Variants in ALDOB observed in about 807,000 individuals in gnomAD.
ALDOB encodes the protein fructose-bisphosphate aldolase B.
A neutral mutation model predicts 41.0 loss-of-function variants in ALDOB; 39 were observed. The ratio of observed to expected loss-of-function variants is 0.95; its 90% CI spans 0.74 to 1.24. The LOEUF is 1.24. Among genes scored for constraint, ALDOB ranks in the 50% most tolerant of loss-of-function variants. ALDOB has a pLI of 0.00. For missense variants in ALDOB, 530 were observed against 457.3 expected, an observed-to-expected ratio of 1.16 and a Z score of -1.45; for synonymous variants, 175 against 168.8, an observed-to-expected ratio of 1.04 and a Z score of -0.28.
chr9:101,424,973 C>A lies in ALDOB; in HGVS notation c.869G>T (p.Cys290Phe), dbSNP rs1405680272. 1 of 1,614,194 alleles carries A rather than the reference C, an allele frequency of 6.2e-7. No homozygotes were observed. The highest frequency in any genetic ancestry group is 8.5e-7 in the Non-Finnish European group (1 of 1,180,042). The change falls in exon 8 of 9, where the codon TGC becomes TTC. Residue 290 changes from cysteine to phenylalanine, a missense_variant. Transcript: ENST00000647789. ...TAGTTTCCAGGGCTTTGGTAGAGGG[C>A]AAAGGTTGATAGCATTGAGGTTGAG... is the stretch of plus-strand genomic sequence containing the variant. ...ATLNLNAINL[C>F]PLPKPWKLSF...
At chr9:101,432,596 G>C (rs1206495600) in intron 1 of ALDOB, among the ~76,000 whole-genome samples, 3 of 152,154 alleles carry the variant, frequency 2.0e-5, no homozygotes, top group Non-Finnish European at 4.4e-5. Context: ...AACAACAAGT[G>C]ATCATGTATT....
Position 101,430,879 on chromosome 9 carries a change from G to T in ALDOB, c.9C>A (p.His3Gln), listed in dbSNP as rs1345378132. MA[H>Q]RFPALTQEQK... is the part of the protein sequence containing the mutation. The stretch of plus-strand genomic sequence containing the variant: ...GCTCCTGGGTGAGGGCTGGAAATCG[G>T]TGGGCCATGGTGACAGGTCTGGAAA... The change falls in exon 2 of 9, where the codon CAC becomes CAA. Residue 3 changes from histidine (H) to glutamine (Q), a missense_variant. His to Gln is a conservative substitution (Grantham distance 24, BLOSUM62 0). Coordinates refer to ENST00000647789, the MANE Select transcript of ALDOB (RefSeq NM_000035.4). 6.2e-7 allele frequency: 1 copy of T among 1,613,384 alleles called. No homozygotes were observed. Among genetic ancestry groups the T allele is most frequent in the Admixed American group, 1.7e-5 (1 of 60,008 alleles).
intron 1 of ALDOB, among the ~76,000 whole-genome samples, chr9:101,432,370 A>G (rs964960004): frequency 2.6e-5 from 4 of 152,300 alleles, no homozygotes; most frequent in Middle Eastern, 3.4e-3. Context: ...TGCCCTGTTT[A>G]TATATTAGCT....
At chr9:101,424,692 A>C in intron 8 of ALDOB, 151 bp downstream of exon 8, 1 of 890,664 alleles carries the variant, frequency 1.1e-6, no homozygotes, top group East Asian at 2.6e-5. Context: ...CTCAATCCTC[A>C]TACTGACCTC....
At chr9:101,434,979 G>A (rs1445242433) in intron 1 of ALDOB, among the ~76,000 whole-genome samples, 2 of 152,184 alleles carry the variant, frequency 1.3e-5, no homozygotes, top group East Asian at 3.8e-4. Flanking sequence ...TTCTCACAAT[G>A]CCTATTTTTC....
chr9:101,427,461 C>T (rs1831147487), intron 5 of ALDOB, 21 bp downstream of exon 5: 3 of 1,614,016 alleles, frequency 1.9e-6, no homozygotes, highest in South Asian at 1.1e-5. Flanking sequence ...TCTTTTTCAG[C>T]CCAAGGGGAA....
chr9:101,424,009 T>G (rs2118339685), intron 8 of ALDOB, among the ~76,000 whole-genome samples: 1 of 152,374 alleles, frequency 6.6e-6, no homozygotes, highest in East Asian at 1.9e-4. Flanking sequence ...TCCTTTCCTC[T>G]TTATTGAAAC....
intron 1 of ALDOB, 42 bp downstream of exon 1, chr9:101,435,667 A>G (rs1288255979): frequency 6.6e-6 from 1 of 152,096 alleles, no homozygotes; most frequent in Non-Finnish European, 1.5e-5. Context: ...CCCCTTATTC[A>G]CTGGTGCTGT....
At position 101,422,781 on chromosome 9, in the gene ALDOB, A is replaced by T. The variant is rs187045630; in HGVS notation, c.1000-877T>A. 3.5e-3 allele frequency among the ~76,000 whole-genome samples: 530 copies of T among 152,362 alleles called. 2 individuals carry two copies. The highest frequency in any genetic ancestry group is 0.017 in the Middle Eastern group (5 of 294). Reference sequence around the variant, plus strand: ...GAAGATTTGGAATGTTCCAAACCCAAAGAAATAATAAATATTTGGAGTGAA... The same window carrying T: ...GAAGATTTGGAATGTTCCAAACCCATAGAAATAATAAATATTTGGAGTGAA... On this transcript the variant is annotated intron_variant, in intron 8 of 8. Transcript: ENST00000647789.
intron 1 of ALDOB, among the ~76,000 whole-genome samples, chr9:101,434,090 T>C (rs1467448879): frequency 6.6e-6 from 1 of 152,210 alleles, no homozygotes; most frequent in Non-Finnish European, 1.5e-5. Context: ...TTTTATACAT[T>C]CTTTATCACG....
Position 101,425,592 on chromosome 9 carries a change from A to T in ALDOB, c.660T>A (p.His220Gln). The change falls in exon 7 of 9, where the codon CAT becomes CAA. Residue 220 changes from histidine (H) to glutamine (Q), a missense_variant. His to Gln is a conservative substitution (Grantham distance 24, BLOSUM62 0). Transcript: ENST00000647789. ...LAAVYKALND[H>Q]HVYLEGTLLK... is the part of the protein sequence containing the mutation. ...GCAGGGTGCCCTCCAGGTAAACATG[A>T]TGGTCATTCAGGGCCTTGTAGACAG... 1 of 1,614,192 alleles carries T rather than the reference A, an allele frequency of 6.2e-7. No homozygotes were observed. Among genetic ancestry groups the T allele is most frequent in the African/African-American group, 1.3e-5 (1 of 75,048 alleles).
intron 8 of ALDOB, among the ~76,000 whole-genome samples, chr9:101,422,237 T>C (rs1831058996): frequency 1.3e-5 from 2 of 152,170 alleles, no homozygotes; most frequent in Admixed American, 1.3e-4. Context: ...AAGAAAAACA[T>C]GTTTATTTTA....
At chr9:101,425,089 C>T in intron 7 of ALDOB, 47 bp from the exon 8 acceptor site, 1 of 1,597,014 alleles carries the variant, frequency 6.3e-7, no homozygotes, top group Non-Finnish European at 8.6e-7. Flanking sequence ...ACCTTATATA[C>T]CCTGCTTGAG....
In ALDOB at chr9:101,430,830, C is replaced by A. The variant is rs575202673; in HGVS notation, c.58G>T (p.Ala20Ser). The change falls in exon 2 of 9, where the codon GCC becomes TCC. Residue 20 changes from alanine to serine, a missense_variant. Coordinates refer to ENST00000647789, the MANE Select transcript of ALDOB (RefSeq NM_000035.4). ...QEQKKELSEI[A>S]QSIVANGKGI... The stretch of plus-strand genomic sequence containing the variant: ...TTTCCATTGGCAACAATGCTCTGGG[C>A]AATTTCTGAGAGCTCCTTCTTCTGC... 9.3e-6 allele frequency: 15 copies of A among 1,614,188 alleles called. No individual in the cohort carries two copies. The South Asian group carries it at 1.1e-4, about 12-fold the overall frequency.
At chr9:101,426,505 A>G (rs1831130882) in intron 6 of ALDOB, 50 bp downstream of exon 6, 1 of 1,230,902 alleles carries the variant, frequency 8.1e-7, no homozygotes, top group Non-Finnish European at 1.2e-6. Flanking sequence ...GCTGTTACCT[A>G]AAACTAAGAT....
In ALDOB at chr9:101,428,449, T is replaced by G; in HGVS notation, c.379+20A>C. 6.2e-7 allele frequency: 1 copy of G among 1,607,788 alleles called. No homozygotes were observed. The highest frequency in any genetic ancestry group is 8.5e-7 in the Non-Finnish European group (1 of 1,174,170). ...CTAGCTTACACTGGCATGATTCATCTCAGTGGGCAATATCCTTACCTTGAA... is the reference window on the plus strand; with the variant it reads ...CTAGCTTACACTGGCATGATTCATCGCAGTGGGCAATATCCTTACCTTGAA... On this transcript the variant is annotated intron_variant, in intron 4 of 8. Transcript: ENST00000647789.
intron 5 of ALDOB, among the ~76,000 whole-genome samples, 176 bp from the exon 6 acceptor site, chr9:101,426,814 C>T (rs1003868136): frequency 1.5e-4 from 23 of 152,134 alleles, no homozygotes; most frequent in Admixed American, 4.6e-4. Context: ...AATACAAACC[C>T]GTAATTACTG....
At chr9:101,424,469 G>A (rs561673154) in intron 8 of ALDOB, among the ~76,000 whole-genome samples, 38 of 152,214 alleles carry the variant, frequency 2.5e-4, no homozygotes, top group African/African-American at 8.9e-4. Flanking sequence ...AAATTCTTCT[G>A]TCTTTATTCC....
In ALDOB at chr9:101,425,059, C is replaced by A; in HGVS notation, c.800-17G>T. 2 of 1,613,734 alleles carry A rather than the reference C, an allele frequency of 1.2e-6. No individual in the cohort carries two copies. The highest frequency in any genetic ancestry group is 1.7e-6 in the Non-Finnish European group (2 of 1,179,712). ...AGCAGATGCCTGGTAGGAGAGAAGC[C>A]ATTTCACTCTATTAGTCCCACCTTA... is the stretch of plus-strand genomic sequence containing the variant. On this transcript the variant is annotated splice_polypyrimidine_tract_variant and intron_variant, in intron 7 of 8. Coordinates refer to ENST00000647789, the MANE Select transcript of ALDOB (RefSeq NM_000035.4).
Sources: allele counts gnomAD v4.1 joint callset (sites outside exome capture counted in the v4.1 genomes callset), GRCh38; gene constraint gnomAD v4.1.1; transcripts MANE v1.5; gene names NCBI Gene and HGNC (gene_info 2026-07-23, HGNC 2026-07-21).